Variants in ZEB2 observed in about 807,000 individuals in gnomAD.
The protein encoded by ZEB2 is zinc finger E-box-binding homeobox 2.
In ZEB2, 6 loss-of-function variants were observed where a neutral mutation model predicts 99.9. The observed-to-expected ratio is 0.06, with a 90% CI of 0.03 to 0.12. The LOEUF is 0.12. Among genes scored for constraint, ZEB2 ranks in the 10% least tolerant of loss-of-function variants. The pLI, the probability that ZEB2 is intolerant of heterozygous loss-of-function variation, is 1.00. For missense variants in ZEB2, 969 were observed against 1,502.8 expected, an observed-to-expected ratio of 0.64 and a Z score of 5.87; for synonymous variants, 517 against 542.5, an observed-to-expected ratio of 0.95 and a Z score of 0.65.
At chr2:144,479,699 GGGT>G in intron 2 of ZEB2, among the ~76,000 whole-genome samples, 25 of 111,012 alleles carry the variant, frequency 2.3e-4, no homozygotes, top group African/African-American at 8.3e-4. Context: ...GGGGGGCGGG[GGGT>G]GGACTTTGAA....
At chr2:144,434,310 C>G (rs1703810143) in intron 2 of ZEB2, among the ~76,000 whole-genome samples, 1 of 152,122 alleles carries the variant, frequency 6.6e-6, no homozygotes. Flanking sequence ...CACAATGTGG[C>G]AAATCCAGAA....
intron 2 of ZEB2, among the ~76,000 whole-genome samples, chr2:144,468,526 A>C (rs1704306090): frequency 6.6e-6 from 1 of 152,168 alleles, no homozygotes; most frequent in Non-Finnish European, 1.5e-5. Flanking sequence ...TATGGATACA[A>C]GTAAGGAACA....
chr2:144,517,206 T>C, intron 2 of ZEB2, 72 bp downstream of exon 2: 2 of 1,595,552 alleles, frequency 1.3e-6, no homozygotes, highest in South Asian at 2.2e-5. Flanking sequence ...TCCTTTTCCC[T>C]TTCCCCCTCC....
intron 2 of ZEB2, among the ~76,000 whole-genome samples, chr2:144,473,902 T>C (rs1016309846): frequency 6.6e-6 from 1 of 152,200 alleles, no homozygotes; most frequent in Non-Finnish European, 1.5e-5. Context: ...TGCAAAGTAA[T>C]GTAGCATCAG....
intron 2 of ZEB2, chr2:144,511,767 C>T (rs1705042378): frequency 1.6e-6 from 2 of 1,285,574 alleles, no homozygotes; most frequent in South Asian, 1.2e-5. Context: ...AGGAAAATTA[C>T]ATTTCATCTT....
chr2:144,503,248 G>A (rs1365633448), intron 2 of ZEB2, among the ~76,000 whole-genome samples: 1 of 152,146 alleles, frequency 6.6e-6, no homozygotes, highest in Non-Finnish European at 1.5e-5. Flanking sequence ...AATAAAGTTG[G>A]TATGTAGTAT....
chr2:144,384,604 T>TG lies in ZEB2; in HGVS notation c.*4846_*4847insC, dbSNP rs1560599394. On this transcript the variant is annotated 3_prime_UTR_variant, in exon 10 of 10. Transcript: ENST00000627532. ...GACATTTTTATTTTGGGAAAGGAGG[T>TG]CTTTTTTTTTTTTAACATGGATACA... 1 of 146,958 alleles carries TG rather than the reference T, an allele frequency of 6.8e-6. No individual in the cohort carries two copies. Among genetic ancestry groups the TG allele is most frequent in the Non-Finnish European group, 1.5e-5 (1 of 66,236 alleles). The allele number at this position is 146,958 out of a possible 1,614,324, so 9.1% of individuals were successfully genotyped here.
At chr2:144,425,676 T>C (rs1352232215) in intron 3 of ZEB2, among the ~76,000 whole-genome samples, 3 of 152,078 alleles carry the variant, frequency 2.0e-5, no homozygotes, top group Non-Finnish European at 4.4e-5. Context: ...ATTTGAAAAA[T>C]AGGGGCACTC....
chr2:144,446,099 T>C (rs1214714251), intron 2 of ZEB2, among the ~76,000 whole-genome samples: 2 of 151,872 alleles, frequency 1.3e-5, no homozygotes, highest in Non-Finnish European at 2.9e-5. Flanking sequence ...AATTCTAACC[T>C]TCATAAGGCA....
intron 2 of ZEB2, among the ~76,000 whole-genome samples, chr2:144,441,960 GT>G (rs1703923924): frequency 1.3e-5 from 2 of 152,204 alleles, no homozygotes; most frequent in Non-Finnish European, 2.9e-5. Context: ...TTATTCAGAA[GT>G]TTACATAGTC....
intron 4 of ZEB2, among the ~76,000 whole-genome samples, chr2:144,411,830 A>C (rs1300964769): frequency 6.6e-6 from 1 of 152,228 alleles, no homozygotes; most frequent in Non-Finnish European, 1.5e-5. Context: ...AATCTGTAGT[A>C]GTCTGCAGTA....
Position 144,517,272 on chromosome 2 carries a change from T to G in ZEB2, c.73+6A>C, listed in dbSNP as rs756924190. On this transcript the variant is annotated splice_donor_region_variant and intron_variant, in intron 2 of 9. Coordinates refer to ENST00000627532, the MANE Select transcript of ZEB2 (RefSeq NM_014795.4). ...CCGGAAAAGTTTGGTTCGGGCTGCT[T>G]CTTACCGTTTTTCCTCCTGGGATTG... 5.3e-5 allele frequency: 85 copies of G among 1,613,196 alleles called. No individual in the cohort carries two copies. The highest frequency in any genetic ancestry group is 2.9e-4 in the East Asian group (13 of 44,848).
chr2:144,416,525 T>C (rs1703542307), intron 4 of ZEB2, among the ~76,000 whole-genome samples: 1 of 152,216 alleles, frequency 6.6e-6, no homozygotes, highest in African/African-American at 2.4e-5. Context: ...CTTTTTCCTA[T>C]TGACTTCAAA....
intron 2 of ZEB2, among the ~76,000 whole-genome samples, chr2:144,465,527 A>C (rs1348325467): frequency 1.3e-5 from 2 of 151,894 alleles, no homozygotes; most frequent in African/African-American, 2.4e-5. Context: ...CCAATCATAT[A>C]CTCTGTATTT....
intron 2 of ZEB2, chr2:144,515,838 T>C (rs1705126975): frequency 6.6e-6 from 1 of 152,284 alleles, no homozygotes; most frequent in Admixed American, 6.5e-5. Context: ...CATTTGTCTC[T>C]AATCAAAATT....
chr2:144,408,861 A>G (rs114546243), intron 4 of ZEB2, among the ~76,000 whole-genome samples: 156 of 152,314 alleles, frequency 1.0e-3, no homozygotes, highest in African/African-American at 3.7e-3. Flanking sequence ...GGTCCAGGGT[A>G]GCCAATAGAT....
chr2:144,402,829 C>T (rs1703330968), intron 6 of ZEB2, among the ~76,000 whole-genome samples: 1 of 151,968 alleles, frequency 6.6e-6, no homozygotes, highest in Admixed American at 6.6e-5. Context: ...GGTGACAAGC[C>T]CAATCAGATA....
chr2:144,513,682 C>G, intron 2 of ZEB2: 1 of 1,535,402 alleles, frequency 6.5e-7, no homozygotes, highest in Non-Finnish European at 8.7e-7. Context: ...ATCCCAGGAC[C>G]CGCTGCCCGA....
intron 2 of ZEB2, among the ~76,000 whole-genome samples, chr2:144,441,365 C>CT (rs1280663712): frequency 3.3e-5 from 5 of 152,142 alleles, no homozygotes; most frequent in Non-Finnish European, 5.9e-5. Context: ...TCACAGTGCA[C>CT]TATTGAGTTC....
Sources: gnomAD v4.1 joint callset for allele counts (sites outside exome capture counted in the v4.1 genomes callset) on GRCh38, gnomAD v4.1.1 for gene constraint, MANE v1.5 for transcripts, NCBI Gene and HGNC (gene_info 2026-07-23, HGNC 2026-07-21) for gene names.